The following WIPF3 variants were observed in gnomAD, a reference collection of about 807,000 sequenced individuals.
WIPF3 encodes WAS/WASL-interacting protein family member 3.
A neutral mutation model predicts 38.9 loss-of-function variants in WIPF3; 33 were observed. The observed-to-expected ratio is 0.85, with a 90% CI of 0.64 to 1.14. The LOEUF (loss-of-function observed/expected upper bound fraction) is 1.14. WIPF3 is among the 50% of genes most tolerant of loss of function. The pLI is 0.00. For missense variants in WIPF3, 711 were observed against 652.5 expected (o/e 1.09, Z -0.98); for synonymous variants, 324 against 269.3 (o/e 1.20, Z -1.99).
chr7:29,847,240 A>G (rs16875169), intron 2 of WIPF3, among the ~76,000 whole-genome samples: 1,900 of 152,316 alleles, frequency 0.012, 44 homozygotes, highest in African/African-American at 0.044. Context: ...TCAGGTCAAA[A>G]GTCCTTGTGG....
chr7:29,828,735 A>G lies in WIPF3; in HGVS notation c.-57-5933A>G, dbSNP rs186376008. Reference sequence around the variant, plus strand: ...CGCTCTTTCACCTGTTATTTAGCCCACCTCTGAGTGGGTGGTCACAGCCTG... The same window carrying G: ...CGCTCTTTCACCTGTTATTTAGCCCGCCTCTGAGTGGGTGGTCACAGCCTG... On this transcript the variant is annotated intron_variant, in intron 1 of 8. Coordinates refer to ENST00000242140, the MANE Select transcript of WIPF3 (RefSeq NM_001080529.3). 3.0e-4 allele frequency among the ~76,000 whole-genome samples: 46 copies of G among 152,152 alleles called. No homozygotes were observed. The East Asian group carries it at 8.1e-3, about 27-fold the overall frequency.
intron 2 of WIPF3, among the ~76,000 whole-genome samples, chr7:29,853,884 A>G (rs1785144596): frequency 6.6e-6 from 1 of 152,168 alleles, no homozygotes; most frequent in Non-Finnish European, 1.5e-5. Context: ...TTTTCCTTCT[A>G]CTACCGTTTT....
At chr7:29,845,687 GCTCT>G (rs1424949968) in intron 2 of WIPF3, among the ~76,000 whole-genome samples, 8 of 152,216 alleles carry the variant, frequency 5.3e-5, no homozygotes, top group Non-Finnish European at 1.0e-4. Flanking sequence ...AATGTTGTGA[GCTCT>G]CTCCTAAACA....
intron 7 of WIPF3, among the ~76,000 whole-genome samples, chr7:29,900,674 G>T (rs1477130236): frequency 1.3e-5 from 2 of 152,228 alleles, no homozygotes; most frequent in African/African-American, 4.8e-5. Flanking sequence ...GAGATGATGA[G>T]AAGCCTCCAA....
In WIPF3 at chr7:29,878,141, G is replaced by T. The variant is rs1467128269; in HGVS notation, c.224-868G>T. Among the ~76,000 whole-genome samples, 1 of 152,100 alleles carries T rather than the reference G, an allele frequency of 6.6e-6. No homozygotes were observed. The highest frequency in any genetic ancestry group is 1.5e-5 in the Non-Finnish European group (1 of 68,018). On this transcript the variant is annotated intron_variant, in intron 3 of 8. Coordinates refer to ENST00000242140, the MANE Select transcript of WIPF3 (RefSeq NM_001080529.3). This position sits in a 1 kb window ranked among gnomAD's most constrained non-coding sequence, Gnocchi z 4.0. ...TTAGTTTCTGGTTAAACCCATGATCGAATTGGTTAAGCCTAATTAACAGGT... is the reference window on the plus strand; with the variant it reads ...TTAGTTTCTGGTTAAACCCATGATCTAATTGGTTAAGCCTAATTAACAGGT...
chr7:29,816,799 T>G (rs545497775), intron 1 of WIPF3, among the ~76,000 whole-genome samples: 46 of 152,338 alleles, frequency 3.0e-4, no homozygotes, highest in African/African-American at 1.0e-3. Flanking sequence ...GACAGGTATA[T>G]ACACTATTTC....
At chr7:29,886,942 T>C (rs1583620305) in intron 5 of WIPF3, among the ~76,000 whole-genome samples, 1 of 152,182 alleles carries the variant, frequency 6.6e-6, no homozygotes, top group Admixed American at 6.5e-5. Flanking sequence ...GTCCTTTTAC[T>C]GCATGTGGGA....
chr7:29,832,126 T>C (rs1427521547), intron 1 of WIPF3, among the ~76,000 whole-genome samples: 1 of 152,186 alleles, frequency 6.6e-6, no homozygotes, highest in African/African-American at 2.4e-5. Context: ...AAAGATGAGA[T>C]CCTTATATAA....
chr7:29,824,295 C>T (rs1377454864), intron 1 of WIPF3, among the ~76,000 whole-genome samples: 4 of 152,026 alleles, frequency 2.6e-5, no homozygotes, highest in African/African-American at 4.8e-5. Context: ...GGTGACAGAG[C>T]GAGACTCCAT....
In WIPF3 at chr7:29,879,001, C is replaced by A; in HGVS notation, c.224-8C>A. 1 of 1,591,466 alleles carries A rather than the reference C, an allele frequency of 6.3e-7. No homozygotes were observed. Among genetic ancestry groups the A allele is most frequent in the South Asian group, 1.1e-5 (1 of 87,670 alleles). On this transcript the variant is annotated splice_polypyrimidine_tract_variant and splice_region_variant and intron_variant, in intron 3 of 8. Transcript: ENST00000242140. ...AAGTCCTTGCCTATTTGTGTCTTCT[C>A]TCTAAAGGTTCTAAAGGAACCAACA...
chr7:29,891,239 G>C (rs1325362516), intron 7 of WIPF3, among the ~76,000 whole-genome samples: 2 of 111,278 alleles, frequency 1.8e-5, no homozygotes, highest in African/African-American at 7.3e-5. Context: ...TGGAGGGGGC[G>C]AGGGCCTGCC....
At chr7:29,899,819 T>G (rs983373445) in intron 7 of WIPF3, among the ~76,000 whole-genome samples, 1 of 152,192 alleles carries the variant, frequency 6.6e-6, no homozygotes, top group Non-Finnish European at 1.5e-5. Context: ...AAAATCTACA[T>G]TTTGTAAAAA....
intron 2 of WIPF3, among the ~76,000 whole-genome samples, chr7:29,836,730 T>C (rs1341551064): frequency 6.6e-6 from 1 of 152,248 alleles, no homozygotes; most frequent in Admixed American, 6.5e-5. Flanking sequence ...GGCTCACACC[T>C]GTTATCCCAG....
At chr7:29,876,084 G>T in intron 3 of WIPF3, 122 bp downstream of exon 3, 1 of 1,366,864 alleles carries the variant, frequency 7.3e-7, no homozygotes, top group South Asian at 1.5e-5. Context: ...AGCCATCTCA[G>T]ACCTGCTCAT....
intron 2 of WIPF3, among the ~76,000 whole-genome samples, chr7:29,854,248 A>C (rs1166786709): frequency 6.6e-6 from 1 of 152,212 alleles, no homozygotes; most frequent in Non-Finnish European, 1.5e-5. Flanking sequence ...AAGAATTTTA[A>C]AGGCTGCACA....
intron 2 of WIPF3, among the ~76,000 whole-genome samples, chr7:29,847,432 T>G (rs1785017978): frequency 6.6e-6 from 1 of 152,162 alleles, no homozygotes; most frequent in Non-Finnish European, 1.5e-5. Flanking sequence ...AGAGGCCAAT[T>G]AACAGGAGAA....
intron 1 of WIPF3, among the ~76,000 whole-genome samples, chr7:29,807,161 A>G (rs1784294877): frequency 6.6e-6 from 1 of 152,012 alleles, no homozygotes; most frequent in South Asian, 2.1e-4. Flanking sequence ...AGGAAATTGC[A>G]GAGCCGGAGG....
At position 29,844,015 on chromosome 7, in the gene WIPF3, T is replaced by G. The variant is rs905078201; in HGVS notation, c.90+9201T>G. On this transcript the variant is annotated intron_variant, in intron 2 of 8. Transcript: ENST00000242140. The surrounding 1 kb of genome is among the most constrained non-coding windows in gnomAD (Gnocchi z 4.8). ...GAGGGCTGGCTTGGCAGCCAGGAAGTCACGTTTCCTAGATTGTTTAATAAA... is the reference window on the plus strand; with the variant it reads ...GAGGGCTGGCTTGGCAGCCAGGAAGGCACGTTTCCTAGATTGTTTAATAAA... 2.2e-4 allele frequency among the ~76,000 whole-genome samples: 34 copies of G among 151,930 alleles called. 1 individual carries two copies. The South Asian group carries it at 6.9e-3, about 31-fold the overall frequency.
intron 1 of WIPF3, among the ~76,000 whole-genome samples, chr7:29,832,515 G>C (rs1380956145): frequency 6.6e-6 from 1 of 152,202 alleles, no homozygotes; most frequent in Non-Finnish European, 1.5e-5. Flanking sequence ...TTATGCTGTG[G>C]ACTCTGATGA....
Sources: allele counts gnomAD v4.1 joint callset (sites outside exome capture counted in the v4.1 genomes callset), GRCh38; gene constraint gnomAD v4.1.1; non-coding constraint Gnocchi (gnomAD v3.1); transcripts MANE v1.5; gene names NCBI Gene and HGNC (gene_info 2026-07-23, HGNC 2026-07-21).